JAKMIP2: variants seen among roughly 807,000 people sequenced by gnomAD.
The protein encoded by JAKMIP2 is janus kinase and microtubule interacting protein 2.
A neutral mutation model predicts 115.0 loss-of-function variants in JAKMIP2; 25 were observed. The ratio of observed to expected loss-of-function variants is 0.22; its 90% CI spans 0.16 to 0.30. The LOEUF is 0.30. Ranked by LOEUF, JAKMIP2 falls within the 10% of genes least tolerant of loss-of-function variation. The probability of loss-of-function intolerance (pLI) is 1.00; values close to 1 mark genes in which losing one functional copy is unlikely to be tolerated. For synonymous variants in JAKMIP2, 334 were observed against 343.6 expected (o/e 0.97, Z 0.31); for missense variants, 642 against 957.6 (o/e 0.67, Z 4.35).
intron 1 of JAKMIP2, among the ~76,000 whole-genome samples, chr5:147,696,017 C>T (rs1349155368): frequency 6.6e-6 from 1 of 152,002 alleles, no homozygotes; most frequent in Non-Finnish European, 1.5e-5. Context: ...GAGATCTTTC[C>T]AATTACAGGC....
intron 10 of JAKMIP2, among the ~76,000 whole-genome samples, chr5:147,637,313 C>T (rs34100034): frequency 0.22 from 33,148 of 151,620 alleles, 4,568 homozygotes; most frequent in East Asian, 0.59. Flanking sequence ...TAGAGCCAAA[C>T]CCTCACCTGC....
At chr5:147,686,010 T>A (rs2288826) in intron 1 of JAKMIP2, among the ~76,000 whole-genome samples, 5 of 151,950 alleles carry the variant, frequency 3.3e-5, no homozygotes, top group Admixed American at 2.0e-4. Context: ...GACAACCAGC[T>A]GAAGCTAGGA....
chr5:147,634,491 AAC>A (rs921717251), intron 12 of JAKMIP2, among the ~76,000 whole-genome samples: 2 of 152,226 alleles, frequency 1.3e-5, no homozygotes, highest in African/African-American at 4.8e-5. Flanking sequence ...AAGTTAACTT[AAC>A]ATTATAAAGG....
intron 2 of JAKMIP2, among the ~76,000 whole-genome samples, chr5:147,664,443 G>C (rs1294951826): frequency 6.6e-6 from 1 of 152,038 alleles, no homozygotes; most frequent in Non-Finnish European, 1.5e-5. Context: ...TGCTCTAGGT[G>C]GGGGGGATTA....
chr5:147,615,382 G>A (rs1192787857), intron 19 of JAKMIP2, among the ~76,000 whole-genome samples: 2 of 152,258 alleles, frequency 1.3e-5, no homozygotes, highest in East Asian at 3.9e-4. Context: ...TGCAACAAGG[G>A]CTTAGAGGTG....
In JAKMIP2 at chr5:147,767,497, T is replaced by C. The variant is rs146677439; in HGVS notation, c.-149+14959A>G. Among the ~76,000 whole-genome samples, 267 of 152,236 alleles carry C rather than the reference T, an allele frequency of 1.8e-3. 1 individual carries two copies. The highest frequency in any genetic ancestry group is 6.8e-3 in the Middle Eastern group (2 of 294). On this transcript the variant is annotated intron_variant, in intron 1 of 21. Coordinates refer to ENST00000616793, the MANE Select transcript of JAKMIP2 (RefSeq NM_001270941.2). ...TTTACAGATTACTTAATACCAAGGT[T>C]GGAGTACTGATAATCATAGCTCAAA... is the stretch of plus-strand genomic sequence containing the variant.
intron 1 of JAKMIP2, among the ~76,000 whole-genome samples, chr5:147,680,631 C>T (rs1166012344): frequency 6.6e-6 from 1 of 152,186 alleles, no homozygotes; most frequent in Admixed American, 6.5e-5. Context: ...CAATGAGATG[C>T]TATTAGTGTT....
In JAKMIP2 at chr5:147,590,208, G is replaced by T. The variant is rs1671640076; in HGVS notation, c.*1499C>A. On this transcript the variant is annotated 3_prime_UTR_variant, in exon 22 of 22. Coordinates refer to ENST00000616793, the MANE Select transcript of JAKMIP2 (RefSeq NM_001270941.2). ...GGAAAGATTTGTATAGCATTTCATA[G>T]AAAGAGTTTCTGGCTCCCTACACAT... The T allele has an allele frequency of 6.6e-6, 1 of 152,116 alleles. No individual in the cohort carries two copies. The highest frequency in any genetic ancestry group is 2.1e-4 in the South Asian group (1 of 4,832). The allele number at this position is 152,116 out of a possible 1,614,324, so 9.4% of individuals were successfully genotyped here. A position where few individuals can be genotyped will look rare whatever the true frequency, so the allele number is the denominator to read the frequency against.
intron 3 of JAKMIP2, among the ~76,000 whole-genome samples, chr5:147,655,020 C>T (rs575402657): frequency 2.0e-5 from 3 of 152,202 alleles, no homozygotes; most frequent in Admixed American, 2.0e-4. Context: ...GATTTGCATA[C>T]ATTGAACCAT....
chr5:147,617,208 C>T (rs566453081), intron 19 of JAKMIP2, among the ~76,000 whole-genome samples: 164 of 152,266 alleles, frequency 1.1e-3, no homozygotes, highest in Middle Eastern at 3.4e-3. Flanking sequence ...TCATGGATGA[C>T]GGTACAATAC....
intron 20 of JAKMIP2, chr5:147,612,052 G>T: frequency 1.5e-6 from 1 of 647,830 alleles, no homozygotes; most frequent in Non-Finnish European, 2.9e-6. Context: ...TAAGGAAGGG[G>T]AAACTAAGGA....
intron 6 of JAKMIP2, 131 bp downstream of exon 6, chr5:147,644,719 T>G: frequency 1.3e-6 from 1 of 785,122 alleles, no homozygotes; most frequent in Non-Finnish European, 2.0e-6. Context: ...TCATTAAGGC[T>G]TCCTTGCTTA....
chr5:147,713,867 G>C (rs1752870683), intron 1 of JAKMIP2, among the ~76,000 whole-genome samples: 2 of 152,238 alleles, frequency 1.3e-5, no homozygotes, highest in South Asian at 4.1e-4. Context: ...ACATTCTAAC[G>C]GCAAAGGCAA....
chr5:147,736,523 G>A (rs951962117), intron 1 of JAKMIP2, among the ~76,000 whole-genome samples: 2 of 152,000 alleles, frequency 1.3e-5, no homozygotes, highest in African/African-American at 4.8e-5. Context: ...AAGCATTTTA[G>A]GAAGACTAAT....
chr5:147,598,064 T>C (rs1015422556), intron 21 of JAKMIP2, among the ~76,000 whole-genome samples: 20 of 151,968 alleles, frequency 1.3e-4, no homozygotes, highest in African/African-American at 4.6e-4. Context: ...AATGGTGCGA[T>C]CTCAGCTCAC....
chr5:147,677,042 C>T (rs139378143), intron 1 of JAKMIP2, among the ~76,000 whole-genome samples: 32 of 152,308 alleles, frequency 2.1e-4, no homozygotes, highest in Non-Finnish European at 1.9e-4. Flanking sequence ...GTATGGGCTA[C>T]GGAGTTAGAC....
chr5:147,727,457 C>A (rs1051717349), intron 1 of JAKMIP2, among the ~76,000 whole-genome samples: 4 of 152,138 alleles, frequency 2.6e-5, no homozygotes, highest in Non-Finnish European at 5.9e-5. Flanking sequence ...ACAATCATGG[C>A]AGAAGGCAAA....
intron 11 of JAKMIP2, among the ~76,000 whole-genome samples, chr5:147,636,578 G>C (rs1231327197): frequency 6.6e-6 from 1 of 152,124 alleles, no homozygotes; most frequent in African/African-American, 2.4e-5. Flanking sequence ...AAGTGAAAAG[G>C]GTCAGAATGC....
intron 10 of JAKMIP2, among the ~76,000 whole-genome samples, chr5:147,637,611 T>C (rs1581333293): frequency 1.3e-5 from 2 of 152,086 alleles, no homozygotes; most frequent in African/African-American, 4.8e-5. Context: ...AGCTAATTTT[T>C]GTATTTTTAG....
Sources: gnomAD v4.1 joint callset for allele counts (sites outside exome capture counted in the v4.1 genomes callset) on GRCh38, gnomAD v4.1.1 for gene constraint, MANE v1.5 for transcripts, NCBI Gene and HGNC (gene_info 2026-07-23, HGNC 2026-07-21) for gene names.